PTBP2: variants seen among roughly 807,000 people sequenced by gnomAD.
PTBP2 encodes the protein polypyrimidine tract-binding protein 2.
A neutral mutation model predicts 61.4 loss-of-function variants in PTBP2; 13 were observed. The ratio of observed to expected loss-of-function variants is 0.21; its 90% confidence interval spans 0.14 to 0.34. The LOEUF (loss-of-function observed/expected upper bound fraction) is 0.34, where lower values mean the gene tolerates loss of function less well. Ranked by LOEUF, PTBP2 falls within the 10% of genes least tolerant of loss-of-function variation. The pLI, the probability that PTBP2 is intolerant of heterozygous loss-of-function variation, is 1.00. For synonymous variants in PTBP2, 215 were observed against 218.5 expected (o/e 0.98, Z 0.14); for missense variants, 405 against 642.6 (o/e 0.63, Z 4.00).
chr1:96,781,037 C>A (rs537431579), intron 7 of PTBP2, among the ~76,000 whole-genome samples: 1 of 152,120 alleles, frequency 6.6e-6, no homozygotes, highest in Non-Finnish European at 1.5e-5. Context: ...AGATGCTGGT[C>A]TCTCAAGGTA....
chr1:96,798,136 C>G (rs1327224439), intron 8 of PTBP2, among the ~76,000 whole-genome samples: 1 of 151,430 alleles, frequency 6.6e-6, no homozygotes, highest in Non-Finnish European at 1.5e-5. Flanking sequence ...GCCTATAATC[C>G]CAGTCATGCC....
intron 8 of PTBP2, among the ~76,000 whole-genome samples, chr1:96,795,577 TAGATA>T (rs1237214458): frequency 3.3e-5 from 5 of 152,366 alleles, no homozygotes; most frequent in Middle Eastern, 3.4e-3. Context: ...ATTTATGTTA[TAGATA>T]AGATAAACAA....
In PTBP2 at chr1:96,813,522, T is replaced by C; in HGVS notation, c.*117T>C. ...TTTTTGTTTTTGTTTTTTTGGGGTT[T>C]CTTTTTTTTTTCCATGCTGTTATCA... On this transcript the variant is annotated 3_prime_UTR_variant, in exon 14 of 14. Coordinates refer to ENST00000674951, the MANE Select transcript of PTBP2 (RefSeq NM_021190.4). 5.7e-6 allele frequency: 6 copies of C among 1,059,344 alleles called. No individual in the cohort carries two copies. The highest frequency in any genetic ancestry group is 7.7e-6 in the Non-Finnish European group (6 of 779,326). 65.6% of individuals were successfully genotyped at this position (1,059,344 alleles called of 1,614,324 possible).
chr1:96,792,515 C>T (rs190884223), intron 8 of PTBP2, among the ~76,000 whole-genome samples: 4 of 152,148 alleles, frequency 2.6e-5, no homozygotes, highest in East Asian at 1.9e-4. Flanking sequence ...TTTAGCCTGT[C>T]GTCTTCTCAC....
chr1:96,787,558 G>A (rs1218474041), intron 8 of PTBP2, among the ~76,000 whole-genome samples: 1 of 151,982 alleles, frequency 6.6e-6, no homozygotes, highest in Non-Finnish European at 1.5e-5. Flanking sequence ...TGTTATAACT[G>A]GGCTTTTTAA....
At chr1:96,723,206 T>A (rs1649873992) in intron 1 of PTBP2, among the ~76,000 whole-genome samples, 1 of 152,194 alleles carries the variant, frequency 6.6e-6, no homozygotes, top group African/African-American at 2.4e-5. Flanking sequence ...CTAGAATTCA[T>A]GTTTCCTGAT....
chr1:96,725,787 A>T (rs977211557), intron 2 of PTBP2, among the ~76,000 whole-genome samples: 6 of 152,000 alleles, frequency 3.9e-5, no homozygotes, highest in African/African-American at 1.2e-4. Flanking sequence ...GTGCATATTT[A>T]AAAAAATTCA....
intron 2 of PTBP2, among the ~76,000 whole-genome samples, chr1:96,739,419 T>G (rs2100845389): frequency 6.6e-6 from 1 of 152,232 alleles, no homozygotes; most frequent in Admixed American, 6.5e-5. Flanking sequence ...TCTCCAGAAC[T>G]TTTTGGAGAA....
At chr1:96,721,991 C>T in intron 1 of PTBP2, 119 bp downstream of exon 1, 1 of 1,327,088 alleles carries the variant, frequency 7.5e-7, no homozygotes, top group Non-Finnish European at 1.1e-6. Flanking sequence ...GCTGCCGTTA[C>T]CCAACCCCCG....
chr1:96,809,257 A>G (rs1039502719), intron 11 of PTBP2, among the ~76,000 whole-genome samples: 16 of 152,180 alleles, frequency 1.1e-4, no homozygotes, highest in African/African-American at 3.6e-4. Flanking sequence ...GATACAAATG[A>G]TACAATACAA....
At chr1:96,813,195 CG>C in intron 13 of PTBP2, 80 bp from the exon 14 acceptor site, 2 of 1,542,324 alleles carry the variant, frequency 1.3e-6, no homozygotes, top group Admixed American at 2.1e-5. Context: ...TTTTTGATTC[CG>C]GAATGGCCAA....
In PTBP2 at chr1:96,752,722, C is replaced by A. The variant is rs116733308; in HGVS notation, c.115+1222C>A. ...TGGGAAATTAATTTGGAATTAATTTCCAAATATTTAGGGCTAGTGACAGAG... is the reference window on the plus strand; with the variant it reads ...TGGGAAATTAATTTGGAATTAATTTACAAATATTTAGGGCTAGTGACAGAG... On this transcript the variant is annotated intron_variant, in intron 3 of 13. Coordinates refer to ENST00000674951, the MANE Select transcript of PTBP2 (RefSeq NM_021190.4). Among the ~76,000 whole-genome samples the A allele has an allele frequency of 4.9e-3, 749 of 152,096 alleles. 5 individuals carry two copies. Among genetic ancestry groups the A allele is most frequent in the African/African-American group, 0.018 (729 of 41,486 alleles).
At chr1:96,811,658 C>A (rs776880144) in intron 11 of PTBP2, among the ~76,000 whole-genome samples, 4 of 152,096 alleles carry the variant, frequency 2.6e-5, no homozygotes, top group Non-Finnish European at 5.9e-5. Context: ...CCTTGTGATC[C>A]GCCCACCTCA....
At chr1:96,799,131 T>C (rs1660695080) in intron 8 of PTBP2, among the ~76,000 whole-genome samples, 1 of 152,104 alleles carries the variant, frequency 6.6e-6, no homozygotes. Context: ...ATGAGAATTT[T>C]AGGAGATTAC....
Position 96,746,348 on chromosome 1 carries a change from T to C in PTBP2, c.40-5077T>C, listed in dbSNP as rs550008167. Among the ~76,000 whole-genome samples, 8 of 152,298 alleles carry C rather than the reference T, an allele frequency of 5.3e-5. No homozygotes were observed. In the East Asian group the frequency reaches 1.2e-3, roughly 22 times the overall value. Reference sequence around the variant, plus strand: ...GCACTTGGCTAGGTATTTAATTTCTTAATTTTTAACAATTTGGTGTGTAGT... The same window carrying C: ...GCACTTGGCTAGGTATTTAATTTCTCAATTTTTAACAATTTGGTGTGTAGT... On this transcript the variant is annotated intron_variant, in intron 2 of 13. Transcript: ENST00000674951.
chr1:96,804,098 TA>T (rs1419876016), intron 8 of PTBP2, among the ~76,000 whole-genome samples: 1 of 152,124 alleles, frequency 6.6e-6, no homozygotes, highest in Non-Finnish European at 1.5e-5. Flanking sequence ...AAGGAAATGA[TA>T]ACATAGATTG....
chr1:96,774,858 T>C (rs1657846059), intron 5 of PTBP2, among the ~76,000 whole-genome samples: 1 of 152,212 alleles, frequency 6.6e-6, no homozygotes, highest in South Asian at 2.1e-4. Context: ...GTCTTATGAC[T>C]ACTCCCACCC....
downstream of PTBP2, chr1:96,818,544 A>T (rs1410831348): frequency 2.6e-5 from 4 of 152,082 alleles, no homozygotes; most frequent in Non-Finnish European, 5.9e-5. Flanking sequence ...AAATATAGTC[A>T]CCAGACCAGT....
At chr1:96,785,956 A>G (rs1351871651) in intron 8 of PTBP2, among the ~76,000 whole-genome samples, 1 of 152,192 alleles carries the variant, frequency 6.6e-6, no homozygotes, top group Non-Finnish European at 1.5e-5. Context: ...TTTGTAAGTA[A>G]AATGTGCAAA....
Sources: gnomAD v4.1 joint callset for allele counts (sites outside exome capture counted in the v4.1 genomes callset) on GRCh38, gnomAD v4.1.1 for gene constraint, MANE v1.5 for transcripts, NCBI Gene and HGNC (gene_info 2026-07-23, HGNC 2026-07-21) for gene names.